Variants in MRTFA observed in about 807,000 individuals in gnomAD.
The protein encoded by MRTFA is myocardin related transcription factor A.
MRTFA carries 20 observed loss-of-function variants against 83.5 expected under a neutral mutation model. That is an observed-to-expected ratio of 0.24 (90% confidence interval 0.17 to 0.35). The LOEUF is 0.35. Ranked by LOEUF, MRTFA falls within the 10% of genes least tolerant of loss-of-function variation. The pLI, the probability that MRTFA is intolerant of heterozygous loss-of-function variation, is 1.00. For missense variants in MRTFA, 1,200 were observed against 1,224.7 expected, an observed-to-expected ratio of 0.98 and a Z score of 0.30; for synonymous variants, 659 against 541.2, an observed-to-expected ratio of 1.22 and a Z score of -3.02.
intron 4 of MRTFA, among the ~76,000 whole-genome samples, chr22:40,443,049 C>G (rs899052882): frequency 1.3e-5 from 2 of 151,978 alleles, no homozygotes; most frequent in Non-Finnish European, 2.9e-5. Context: ...GTCAGGAGTT[C>G]GAAACCAGCC....
intron 1 of MRTFA, among the ~76,000 whole-genome samples, chr22:40,596,448 G>C (rs931862381): frequency 6.6e-6 from 1 of 152,222 alleles, no homozygotes; most frequent in Non-Finnish European, 1.5e-5. Context: ...GGGAGGCCAG[G>C]GTGGGAGGAT....
intron 3 of MRTFA, among the ~76,000 whole-genome samples, chr22:40,470,248 TA>T (rs1198563182): frequency 5.1e-5 from 2 of 39,368 alleles, no homozygotes; most frequent in African/African-American, 1.3e-4. Flanking sequence ...TATATATATA[TA>T]TATATATATA....
At chr22:40,592,326 C>A (rs1283986897) in intron 2 of MRTFA, among the ~76,000 whole-genome samples, 3 of 150,928 alleles carry the variant, frequency 2.0e-5, no homozygotes, top group Non-Finnish European at 2.9e-5. Context: ...CACACACCTG[C>A]AGTCCTAGCT....
At chr22:40,420,807 C>G (rs1304897383) in intron 10 of MRTFA, 40 bp downstream of exon 10, 2 of 1,608,134 alleles carry the variant, frequency 1.2e-6, no homozygotes, top group Admixed American at 3.3e-5. Flanking sequence ...CAGGGTGGCT[C>G]GGGGAGGGCA....
rs532214092 is a variant in MRTFA, at chr22:40,575,915, C to T, written c.-22+18759G>A. Among the ~76,000 whole-genome samples, 51 of 152,124 alleles carry T rather than the reference C, an allele frequency of 3.4e-4. No homozygotes were observed. The South Asian group carries it at 0.01, about 30-fold the overall frequency. Reference sequence around the variant, plus strand: ...ATGAGAAGCACTAACAATGCTAAGACAGTAAGAGCTCAACAAACACTAAGC... The same window carrying T: ...ATGAGAAGCACTAACAATGCTAAGATAGTAAGAGCTCAACAAACACTAAGC... On this transcript the variant is annotated intron_variant, in intron 2 of 14. Coordinates refer to ENST00000355630, the MANE Select transcript of MRTFA (RefSeq NM_020831.6).
chr22:40,480,952 C>CG (rs2054080585), intron 3 of MRTFA, among the ~76,000 whole-genome samples: 1 of 151,686 alleles, frequency 6.6e-6, no homozygotes, highest in Admixed American at 6.6e-5. Flanking sequence ...GGGAGACCCC[C>CG]GTTTCTACAA....
intron 3 of MRTFA, among the ~76,000 whole-genome samples, chr22:40,490,383 G>A (rs929200018): frequency 2.0e-5 from 3 of 152,110 alleles, no homozygotes; most frequent in African/African-American, 7.2e-5. Flanking sequence ...GGCGGATCAT[G>A]AGGTCAGGAG....
Position 40,416,104 on chromosome 22 carries a change from G to A in MRTFA, c.2578+882C>T, listed in dbSNP as rs1002475692. Among the ~76,000 whole-genome samples the A allele has an allele frequency of 2.0e-5, 3 of 152,090 alleles. No homozygotes were observed. The highest frequency in any genetic ancestry group is 6.5e-5 in the Admixed American group (1 of 15,286). The stretch of plus-strand genomic sequence containing the variant: ...CTCGTGACACACCCCATCAGGGACC[G>A]CGCAATGTGGTCCCACACGTGCCCC... On this transcript the variant is annotated intron_variant, in intron 14 of 14. Coordinates refer to ENST00000355630, the MANE Select transcript of MRTFA (RefSeq NM_020831.6). This position sits in a 1 kb window ranked among gnomAD's most constrained non-coding sequence, Gnocchi z 4.2.
At chr22:40,571,081 C>T (rs900856724) in intron 2 of MRTFA, among the ~76,000 whole-genome samples, 9 of 142,190 alleles carry the variant, frequency 6.3e-5, no homozygotes, top group Non-Finnish European at 9.1e-5. Flanking sequence ...TGGTGGTGTG[C>T]GCCTGTAGTC....
intron 2 of MRTFA, among the ~76,000 whole-genome samples, chr22:40,575,233 T>A (rs1460230130): frequency 6.6e-6 from 1 of 152,212 alleles, no homozygotes; most frequent in Non-Finnish European, 1.5e-5. Context: ...TTAACTCCTT[T>A]CCCTGTTTTG....
At chr22:40,540,975 G>A (rs1030754445) in intron 3 of MRTFA, among the ~76,000 whole-genome samples, 1 of 152,026 alleles carries the variant, frequency 6.6e-6, no homozygotes, top group Non-Finnish European at 1.5e-5. Flanking sequence ...CCCAGAAAGG[G>A]CAGGTGCTCT....
chr22:40,416,897 A>AG lies in MRTFA; in HGVS notation c.2578+88dup. ...TTGCCCAAGACTGGTCACGCACGGA[A>AG]GCATTCAATAAAAACAAACCAACCC... On this transcript the variant is annotated intron_variant, in intron 14 of 14. Coordinates refer to ENST00000355630, the MANE Select transcript of MRTFA (RefSeq NM_020831.6). This position sits in a 1 kb window ranked among gnomAD's most constrained non-coding sequence, Gnocchi z 4.2. 1 of 1,240,140 alleles carries AG rather than the reference A, an allele frequency of 8.1e-7. No homozygotes were observed. 76.8% of individuals were successfully genotyped at this position (1,240,140 alleles called of 1,614,324 possible).
At chr22:40,526,242 C>T (rs922343502) in intron 3 of MRTFA, 7 of 152,036 alleles carry the variant, frequency 4.6e-5, no homozygotes, top group African/African-American at 9.7e-5. Flanking sequence ...CCATGATGCC[C>T]GACTAGCCTT....
intron 7 of MRTFA, among the ~76,000 whole-genome samples, chr22:40,425,922 C>T (rs1010603221): frequency 6.6e-6 from 1 of 152,112 alleles, no homozygotes; most frequent in African/African-American, 2.4e-5. Flanking sequence ...ATCCTGGGAA[C>T]AAAGATGGGG....
chr22:40,629,934 T>G lies in MRTFA; in HGVS notation c.-84+6544A>C, dbSNP rs532984571. Among the ~76,000 whole-genome samples the G allele has an allele frequency of 2.6e-5, 4 of 151,506 alleles. No individual in the cohort carries two copies. The East Asian group carries it at 5.9e-4, about 22-fold the overall frequency. ...CATATGCTTCACAAGAGCTTAGAGG[T>G]GGAACTAGGGCCCACACTAATACCT... On this transcript the variant is annotated intron_variant, in intron 1 of 14. Coordinates refer to ENST00000355630, the MANE Select transcript of MRTFA (RefSeq NM_020831.6).
intron 4 of MRTFA, among the ~76,000 whole-genome samples, chr22:40,452,723 T>C (rs1216015890): frequency 4.0e-5 from 6 of 150,774 alleles, no homozygotes; most frequent in Non-Finnish European, 5.9e-5. Flanking sequence ...AGGCAATTGC[T>C]TGAACCCAGG....
At chr22:40,431,279 G>C (rs1469611864) in intron 6 of MRTFA, 126 bp downstream of exon 6, 4 of 863,002 alleles carry the variant, frequency 4.6e-6, no homozygotes, top group Non-Finnish European at 7.7e-6. Context: ...CGGTGTTAAG[G>C]CTCTGGCTTA....
chr22:40,481,528 G>T (rs2054089987), intron 3 of MRTFA, among the ~76,000 whole-genome samples: 1 of 152,110 alleles, frequency 6.6e-6, no homozygotes, highest in South Asian at 2.1e-4. Context: ...ATTTCAGGGA[G>T]TACATTATGT....
chr22:40,612,470 A>T (rs909614623), intron 1 of MRTFA, among the ~76,000 whole-genome samples: 4 of 152,224 alleles, frequency 2.6e-5, no homozygotes, highest in African/African-American at 9.6e-5. Context: ...TGGCTACCTC[A>T]ATCAAATTTG....
Sources: allele counts gnomAD v4.1 joint callset (sites outside exome capture counted in the v4.1 genomes callset), GRCh38; gene constraint gnomAD v4.1.1; non-coding constraint Gnocchi (gnomAD v3.1); transcripts MANE v1.5; gene names NCBI Gene and HGNC (gene_info 2026-07-23, HGNC 2026-07-21).